CDH23: variants seen among roughly 807,000 people sequenced by gnomAD.
The protein encoded by CDH23 is cadherin-23.
A neutral mutation model predicts 317.1 loss-of-function variants in CDH23; 189 were observed. The ratio of observed to expected loss-of-function variants is 0.60; its 90% CI spans 0.53 to 0.67. CDH23 has a LOEUF of 0.67. Ranked by LOEUF, CDH23 falls within the 30% of genes least tolerant of loss-of-function variation. CDH23 has a pLI of 0.00. For missense variants in CDH23, 4,401 were observed against 4,592.4 expected, an observed-to-expected ratio of 0.96 and a Z score of 1.20; for synonymous variants, 1,839 against 1,876.8, an observed-to-expected ratio of 0.98 and a Z score of 0.52.
At chr10:71,578,480 G>A (rs980798677) in intron 9 of CDH23, among the ~76,000 whole-genome samples, 8 of 152,090 alleles carry the variant, frequency 5.3e-5, no homozygotes, top group African/African-American at 1.9e-4. Flanking sequence ...AATTCATGTC[G>A]CATCTGGAAT....
intron 52 of CDH23, 71 bp downstream of exon 52, chr10:71,799,700 A>G (rs1262588154): frequency 3.7e-6 from 6 of 1,603,686 alleles, no homozygotes; most frequent in Non-Finnish European, 5.1e-6. Context: ...GCAGCCACCA[A>G]AAGTATTGTA....
intron 2 of CDH23, among the ~76,000 whole-genome samples, chr10:71,444,299 A>T (rs1014843773): frequency 1.9e-4 from 29 of 152,368 alleles, no homozygotes; most frequent in South Asian, 1.2e-3. Flanking sequence ...AAGTCCTATT[A>T]TTATGGCTAT....
intron 11 of CDH23, among the ~76,000 whole-genome samples, chr10:71,632,831 T>A (rs1862079696): frequency 6.6e-6 from 1 of 152,186 alleles, no homozygotes. Context: ...CCTTCCCACG[T>A]GTCTTAGTCC....
intron 9 of CDH23, among the ~76,000 whole-genome samples, chr10:71,586,477 G>C (rs962815373): frequency 3.3e-5 from 5 of 152,144 alleles, no homozygotes; most frequent in Non-Finnish European, 1.5e-5. Flanking sequence ...TCCATGTGTA[G>C]CTCTCTTTTG....
intron 6 of CDH23, among the ~76,000 whole-genome samples, chr10:71,524,000 T>A (rs1160309956): frequency 6.6e-6 from 1 of 152,210 alleles, no homozygotes. Context: ...CCTCCCCGTT[T>A]TTCATGAACT....
chr10:71,682,926 T>A (rs148311756), intron 18 of CDH23, among the ~76,000 whole-genome samples: 13 of 152,354 alleles, frequency 8.5e-5, no homozygotes. Flanking sequence ...GGCTGCATTC[T>A]GTGAAGAACA....
chr10:71,609,144 G>T (rs958628554), intron 9 of CDH23, among the ~76,000 whole-genome samples: 5 of 151,968 alleles, frequency 3.3e-5, no homozygotes, highest in African/African-American at 4.8e-5. Context: ...GGGCGTGAAG[G>T]GGGGTAGCCT....
intron 14 of CDH23, among the ~76,000 whole-genome samples, chr10:71,672,023 G>A (rs895806766): frequency 3.9e-5 from 6 of 152,060 alleles, no homozygotes; most frequent in Admixed American, 3.9e-4. Context: ...ATGACCCCAC[G>A]CTGCCCTCTG....
At chr10:71,774,854 C>A (rs1840781591) in intron 38 of CDH23, among the ~76,000 whole-genome samples, 2 of 152,178 alleles carry the variant, frequency 1.3e-5, no homozygotes, top group South Asian at 4.1e-4. Flanking sequence ...TATCAGGACT[C>A]AATGGGAGCC....
At chr10:71,532,900 T>A (rs546834811) in intron 6 of CDH23, among the ~76,000 whole-genome samples, 2 of 152,168 alleles carry the variant, frequency 1.3e-5, no homozygotes, top group African/African-American at 4.8e-5. Flanking sequence ...TGGCTAATTT[T>A]TTGTATTTTT....
chr10:71,686,240 C>T (rs563175321), intron 18 of CDH23, among the ~76,000 whole-genome samples: 25 of 152,062 alleles, frequency 1.6e-4, no homozygotes, highest in South Asian at 6.2e-4. Flanking sequence ...TTCTCCACAC[C>T]GTTTCGTGCA....
chr10:71,813,068 G>A (rs752730784), intron 68 of CDH23, among the ~76,000 whole-genome samples, 176 bp from the exon 69 acceptor site: 5 of 152,182 alleles, frequency 3.3e-5, no homozygotes, highest in Non-Finnish European at 7.3e-5. Context: ...GCAGGGCTCA[G>A]GAGTGAGTCC....
intron 6 of CDH23, among the ~76,000 whole-genome samples, chr10:71,546,392 G>A (rs1312653335): frequency 1.3e-5 from 2 of 152,214 alleles, no homozygotes; most frequent in African/African-American, 2.4e-5. Flanking sequence ...ACTGTGGTGA[G>A]CAAGGCAGTT....
At chr10:71,702,503 C>A (rs760864551) in intron 23 of CDH23, 46 bp from the exon 24 acceptor site, 1 of 1,610,218 alleles carries the variant, frequency 6.2e-7, no homozygotes, top group South Asian at 1.1e-5. Flanking sequence ...TTCTCTTGCA[C>A]CCATCTTACC....
At chr10:71,759,378 G>A (rs1011553051) in intron 38 of CDH23, among the ~76,000 whole-genome samples, 9 of 152,072 alleles carry the variant, frequency 5.9e-5, no homozygotes, top group Non-Finnish European at 1.0e-4. Context: ...ATGGTGATGC[G>A]TGCCTGTAGT....
intron 9 of CDH23, among the ~76,000 whole-genome samples, chr10:71,604,190 G>A (rs1210445867): frequency 6.6e-6 from 1 of 152,230 alleles, no homozygotes; most frequent in East Asian, 1.9e-4. Context: ...GCTGAGGCAG[G>A]AGGATCCCTT....
At chr10:71,601,395 C>T (rs1860206440) in intron 9 of CDH23, among the ~76,000 whole-genome samples, 1 of 152,240 alleles carries the variant, frequency 6.6e-6, no homozygotes, top group African/African-American at 2.4e-5. Context: ...TTTATCCTCA[C>T]ATCAGCCCTA....
chr10:71,445,089 C>A (rs528734546), intron 2 of CDH23, among the ~76,000 whole-genome samples: 3 of 152,192 alleles, frequency 2.0e-5, no homozygotes, highest in African/African-American at 7.2e-5. Flanking sequence ...AGACCCAGCC[C>A]GCTCTGAAGC....
At chr10:71,429,320 G>T (rs927655288) in intron 1 of CDH23, among the ~76,000 whole-genome samples, 4 of 152,132 alleles carry the variant, frequency 2.6e-5, no homozygotes, top group South Asian at 2.1e-4. Flanking sequence ...TGGGGCCAGG[G>T]GTCTGCATGG....
Sources: allele counts gnomAD v4.1 joint callset (sites outside exome capture counted in the v4.1 genomes callset), GRCh38; gene constraint gnomAD v4.1.1; transcripts MANE v1.5; gene names NCBI Gene and HGNC (gene_info 2026-07-23, HGNC 2026-07-21).